Variants in KLF12 observed in about 807,000 individuals in gnomAD.
The protein encoded by KLF12 is Krueppel-like factor 12.
In KLF12, 9 loss-of-function variants were observed where a neutral mutation model predicts 37.8. That is an observed-to-expected ratio of 0.24 (90% CI 0.14 to 0.42). The LOEUF is 0.42. Ranked by LOEUF, KLF12 falls within the 10% of genes least tolerant of loss-of-function variation. The pLI, the probability that KLF12 is intolerant of heterozygous loss-of-function variation, is 1.00. For missense variants in KLF12, 411 were observed against 516.0 expected (o/e 0.80, Z 1.97); for synonymous variants, 208 against 202.1 (o/e 1.03, Z -0.25).
chr13:73,782,091 T>C (rs561676102), intron 5 of KLF12, among the ~76,000 whole-genome samples: 3 of 152,348 alleles, frequency 2.0e-5, no homozygotes, highest in African/African-American at 7.2e-5. Context: ...GGAAGGGCTA[T>C]GTAGTAACAT....
chr13:74,183,623 T>A, the KLF12 span, among the ~76,000 whole-genome samples: 3 of 152,068 alleles, frequency 2.0e-5, no homozygotes, highest in Admixed American at 2.0e-4. Context: ...ACCAACAGCG[T>A]ATTTAGAAAA....
the KLF12 span, among the ~76,000 whole-genome samples, chr13:74,166,028 G>T: frequency 6.6e-6 from 1 of 151,010 alleles, no homozygotes; most frequent in African/African-American, 2.4e-5. Flanking sequence ...GTGTTTAATT[G>T]CTGGTTGTTA....
chr13:73,857,107 A>C (rs1208462407), intron 3 of KLF12, among the ~76,000 whole-genome samples: 1 of 152,226 alleles, frequency 6.6e-6, no homozygotes, highest in African/African-American at 2.4e-5. Flanking sequence ...CCATGGAATG[A>C]TCTCACAATT....
intron 1 of KLF12, among the ~76,000 whole-genome samples, chr13:74,064,125 T>C (rs1873768698): frequency 6.6e-6 from 1 of 152,180 alleles, no homozygotes; most frequent in Non-Finnish European, 1.5e-5. Context: ...CACCCCTCAG[T>C]TCCTCTCACT....
intron 3 of KLF12, among the ~76,000 whole-genome samples, chr13:73,859,373 T>C (rs1354361105): frequency 6.6e-6 from 1 of 152,170 alleles, no homozygotes; most frequent in African/African-American, 2.4e-5. Context: ...CATAGACCTG[T>C]AATCTAAACC....
At chr13:73,770,221 T>G (rs1017252981) in intron 5 of KLF12, among the ~76,000 whole-genome samples, 1 of 152,184 alleles carries the variant, frequency 6.6e-6, no homozygotes. Flanking sequence ...GCTTTCTTCT[T>G]ACACTCGGTT....
At chr13:73,957,015 A>AAAG (rs1890859237) in intron 2 of KLF12, among the ~76,000 whole-genome samples, 3 of 87,442 alleles carry the variant, frequency 3.4e-5, no homozygotes, top group Admixed American at 1.4e-4. Flanking sequence ...GGAAAGGAAA[A>AAAG]GAAAGGAAAG....
At chr13:73,984,716 T>C (rs1891778649) in intron 2 of KLF12, among the ~76,000 whole-genome samples, 1 of 152,346 alleles carries the variant, frequency 6.6e-6, no homozygotes, top group South Asian at 2.1e-4. Flanking sequence ...TTTCCCCTCA[T>C]TCTGTTTCTC....
intron 4 of KLF12, among the ~76,000 whole-genome samples, chr13:73,828,061 T>C (rs1883948533): frequency 1.3e-5 from 2 of 152,184 alleles, no homozygotes; most frequent in Non-Finnish European, 1.5e-5. Context: ...AGTCAATGTA[T>C]GTCTGAATTT....
At chr13:73,775,249 A>G (rs1276095933) in intron 5 of KLF12, among the ~76,000 whole-genome samples, 1 of 152,152 alleles carries the variant, frequency 6.6e-6, no homozygotes, top group Non-Finnish European at 1.5e-5. Context: ...AAAACTGATT[A>G]ATTCCACCTT....
chr13:74,292,442 G>T, the KLF12 span, among the ~76,000 whole-genome samples: 1 of 132,550 alleles, frequency 7.5e-6, no homozygotes, highest in African/African-American at 3.7e-5. Context: ...AAATGAAAGG[G>T]TTTCTTTTTC....
rs11342071 is a variant in KLF12 at position 73,904,469 on chromosome 13, C to CTTTTTTTTTTTTTT, written c.123+39498_123+39511dup. 4.9e-4 allele frequency among the ~76,000 whole-genome samples: 45 copies of CTTTTTTTTTTTTTT among 91,994 alleles called. 2 individuals carry two copies. The highest frequency in any genetic ancestry group is 6.6e-4 in the Non-Finnish European group (32 of 48,330). 60.4% of individuals were successfully genotyped at this position (91,994 alleles called of 152,430 possible). ...CAGTTTCTCATGTTTTCTTTCTTTC[C>CTTTTTTTTTTTTTT]TTTTTTTTTTTTTTTTTTTTTTTAC... On this transcript the variant is annotated intron_variant, in intron 3 of 7. Transcript: ENST00000377669.
At chr13:73,769,457 G>A (rs1488398582) in intron 5 of KLF12, among the ~76,000 whole-genome samples, 1 of 152,020 alleles carries the variant, frequency 6.6e-6, no homozygotes, top group Non-Finnish European at 1.5e-5. Context: ...TTTCTCCTTT[G>A]CTTGAACCTC....
In KLF12 at chr13:74,021,523, T is replaced by C. The variant is rs541032799; in HGVS notation, c.-31-26470A>G. Among the ~76,000 whole-genome samples, 6 of 152,146 alleles carry C rather than the reference T, an allele frequency of 3.9e-5. No homozygotes were observed. The East Asian group carries it at 1.2e-3, about 29-fold the overall frequency. ...GGAAAAGTTTGGCAGCATAGCATAATAGATCCAGAGGAGGGTTGCATCTGG... is the reference window on the plus strand; with the variant it reads ...GGAAAAGTTTGGCAGCATAGCATAACAGATCCAGAGGAGGGTTGCATCTGG... On this transcript the variant is annotated intron_variant, in intron 1 of 7. Transcript: ENST00000377669.
At chr13:74,284,522 G>C in the KLF12 span, among the ~76,000 whole-genome samples, 1 of 152,184 alleles carries the variant, frequency 6.6e-6, no homozygotes, top group East Asian at 1.9e-4. Flanking sequence ...TGATCCCTCT[G>C]TTACAGTGCA....
At chr13:73,807,729 T>C (rs529318062) in intron 5 of KLF12, among the ~76,000 whole-genome samples, 2 of 152,330 alleles carry the variant, frequency 1.3e-5, no homozygotes, top group East Asian at 3.9e-4. Context: ...ATTCATTAGT[T>C]CTGAAAGGAC....
chr13:74,238,900 T>A, the KLF12 span, among the ~76,000 whole-genome samples: 2 of 151,310 alleles, frequency 1.3e-5, no homozygotes, highest in East Asian at 1.9e-4. Context: ...AGCTCCTGGA[T>A]TCATTAATTT....
Position 73,934,950 on chromosome 13 carries a change from ATTATTTATTTATTTAT to A in KLF12, c.123+9015_123+9030del, listed in dbSNP as rs146314583. 3.2e-4 allele frequency among the ~76,000 whole-genome samples: 44 copies of A among 139,652 alleles called. 1 individual carries two copies. Among genetic ancestry groups the A allele is most frequent in the South Asian group, 1.4e-3 (6 of 4,238 alleles). The allele number at this position is 139,652 out of a possible 152,430, so 91.6% of individuals were successfully genotyped here. A position where few individuals can be genotyped will look rare whatever the true frequency, so the allele number is the denominator to read the frequency against. ...TGTGCTTTATTTTGGATAGGTTTTT[ATTATTTATTTATTTAT>A]TTATTTATTTATTTATTTATTTATT... On this transcript the variant is annotated intron_variant, in intron 3 of 7. Transcript: ENST00000377669.
At chr13:73,899,269 C>T (rs938939773) in intron 3 of KLF12, among the ~76,000 whole-genome samples, 4 of 152,188 alleles carry the variant, frequency 2.6e-5, no homozygotes, top group East Asian at 1.9e-4. Context: ...GCAGCAAGAA[C>T]GAGACCAAGC....
Sources: allele counts gnomAD v4.1 joint callset (sites outside exome capture counted in the v4.1 genomes callset), GRCh38; gene constraint gnomAD v4.1.1; transcripts MANE v1.5; gene names NCBI Gene and HGNC (gene_info 2026-07-23, HGNC 2026-07-21).